DMD: variants seen among roughly 807,000 people sequenced by gnomAD.
DMD encodes dystrophin.
A neutral mutation model predicts 330.1 loss-of-function variants in DMD; 63 were observed. The ratio of observed to expected loss-of-function variants is 0.19; its 90% CI spans 0.16 to 0.24. DMD has a LOEUF of 0.24. Ranked by LOEUF, DMD falls within the 10% of genes least tolerant of loss-of-function variation. The pLI is 1.00. For missense variants in DMD, 3,344 were observed against 2,684.1 expected (o/e 1.25, Z -5.43); for synonymous variants, 1,223 against 959.8 (o/e 1.27, Z -5.07).
intron 11 of DMD, among the ~76,000 whole-genome samples, chrX:32,634,892 G>A (rs1414000915): frequency 9.0e-6 from 1 of 111,652 alleles, no homozygotes; most frequent in African/African-American, 3.3e-5. Flanking sequence ...CTGACTCTGA[G>A]CCCGGCACAG....
At chrX:32,148,112 C>T (rs1218710327) in intron 44 of DMD, among the ~76,000 whole-genome samples, 3 of 110,228 alleles carry the variant, frequency 2.7e-5, no homozygotes, top group African/African-American at 6.6e-5. Flanking sequence ...CTCCTGACCT[C>T]GTGATCAGCC....
chrX:31,859,085 C>T (rs1238451012), intron 48 of DMD, among the ~76,000 whole-genome samples: 1 of 111,731 alleles, frequency 9.0e-6, no homozygotes, highest in Non-Finnish European at 1.9e-5. Flanking sequence ...CTCAGAGCCA[C>T]AAGGTCAGCA....
At chrX:32,345,819 G>T in intron 39 of DMD, 124 bp downstream of exon 39, 2 of 693,925 alleles carry the variant, frequency 2.9e-6, no homozygotes, top group South Asian at 2.7e-5. Context: ...CATACACATT[G>T]AACAGAAAAA....
At chrX:32,697,756 A>G in intron 9 of DMD, 114 bp downstream of exon 9, 2 of 1,042,700 alleles carry the variant, frequency 1.9e-6, no homozygotes, top group Non-Finnish European at 1.3e-6. Flanking sequence ...AAAACAAACC[A>G]GCTCTTCACG....
intron 51 of DMD, among the ~76,000 whole-genome samples, chrX:31,768,655 A>G (rs1480304434): frequency 8.9e-6 from 1 of 111,933 alleles, no homozygotes; most frequent in Non-Finnish European, 1.9e-5. Flanking sequence ...CTTGTCAAAT[A>G]TTGTTGTTTC....
At position 32,485,095 on chromosome X, in the gene DMD, T is replaced by A. The variant is rs1569564731; in HGVS notation, c.2627A>T (p.Glu876Val). The A allele has an allele frequency of 8.3e-7, 1 of 1,206,379 alleles. No individual in the cohort carries two copies. Residue 876 changes from glutamate (E) to valine (V), a missense_variant, in exon 21 of 79, where the codon GAA (glutamate) becomes GTA (valine). Physicochemically the swap from Glu to Val is moderately radical, Grantham distance 121. Coordinates refer to ENST00000357033, the MANE Select transcript of DMD (RefSeq NM_004006.3). The stretch of plus-strand genomic sequence containing the variant: ...TTGAAGATCTGATAGCCGGTTGACT[T>A]CATCCTGTGCCATAGAGTATGGAAA... ...IKSQLKICKD[E>V]VNRLSDLQPQ...
intron 25 of DMD, among the ~76,000 whole-genome samples, chrX:32,457,471 G>A (rs73619093): frequency 0.031 from 3,432 of 110,772 alleles, 144 homozygotes; most frequent in African/African-American, 0.11. Context: ...ATGATGTAGC[G>A]TGGAGAAGAT....
chrX:32,934,696 T>A lies in DMD; in HGVS notation c.94-84876A>T, dbSNP rs138444751. ...CAATAATAAAACAAACATATGTCCA[T>A]CCCAATAACTGAAATATTAGCAACA... On this transcript the variant is annotated intron_variant, in intron 2 of 78. Transcript: ENST00000357033. Among the ~76,000 whole-genome samples the A allele has an allele frequency of 8.9e-3, 984 of 111,138 alleles. 20 individuals are homozygous for A. The highest frequency in any genetic ancestry group is 0.03 in the African/African-American group (926 of 30,512).
rs977019072 is a variant in DMD, at chrX:32,128,066, T to C, written c.6438+88850A>G. 9.8e-5 allele frequency among the ~76,000 whole-genome samples: 11 copies of C among 112,401 alleles called. No individual in the cohort carries two copies. The Admixed American group carries it at 1.0e-3, about 11-fold the overall frequency. On this transcript the variant is annotated intron_variant, in intron 44 of 78. Transcript: ENST00000357033. Reference sequence around the variant, plus strand: ...ACAGAAAATAGGCAATTTGGAAGTATAGTAACTAGTTAGCAATATTCTTTT... The same window carrying C: ...ACAGAAAATAGGCAATTTGGAAGTACAGTAACTAGTTAGCAATATTCTTTT...
chrX:32,036,986 C>T (rs895315838), intron 44 of DMD, among the ~76,000 whole-genome samples: 5 of 111,332 alleles, frequency 4.5e-5, no homozygotes, highest in Admixed American at 3.8e-4. Flanking sequence ...ATGAGAGTAC[C>T]TCCCATGAGC....
chrX:31,338,943 C>CAAAAAA (rs151110457), intron 61 of DMD, among the ~76,000 whole-genome samples: 3 of 64,157 alleles, frequency 4.7e-5, no homozygotes, highest in East Asian at 4.8e-4. Context: ...CATCTATGCA[C>CAAAAAA]AAAAAAAAAA....
rs186032937 is a variant in DMD, at chrX:33,237,226, C to A, written c.7+102033G>T. On this transcript the variant is annotated intron_variant, in intron 1 of 17. Coordinates refer to the DMD transcript ENST00000288447. ...CTTCCTCCCTTCCTTCCCTCCCTCCCTCCCTCTTTCTTTTTCTTTCTCTCT... is the reference window on the plus strand; with the variant it reads ...CTTCCTCCCTTCCTTCCCTCCCTCCATCCCTCTTTCTTTTTCTTTCTCTCT... 0.013 allele frequency among the ~76,000 whole-genome samples: 1,234 copies of A among 95,540 alleles called. 95 individuals carry two copies. In the Admixed American group the frequency reaches 0.14, roughly 11 times the overall value. 83.0% of individuals were successfully genotyped at this position (95,540 alleles called of 115,157 possible).
intron 55 of DMD, among the ~76,000 whole-genome samples, chrX:31,525,651 C>T (rs890086004): frequency 2.7e-5 from 3 of 111,817 alleles, no homozygotes; most frequent in Non-Finnish European, 5.6e-5. Flanking sequence ...AAATAATGTA[C>T]ACTTTCAAAG....
intron 11 of DMD, among the ~76,000 whole-genome samples, chrX:32,616,545 C>A (rs1348504001): frequency 9.0e-6 from 1 of 110,529 alleles, no homozygotes; most frequent in Admixed American, 9.7e-5. Context: ...TTCTTTGACA[C>A]ATCCCATCAG....
At chrX:31,438,384 T>C (rs1178524990) in intron 60 of DMD, among the ~76,000 whole-genome samples, 2 of 112,099 alleles carry the variant, frequency 1.8e-5, no homozygotes, top group East Asian at 5.6e-4. Flanking sequence ...TTGTTAGAGA[T>C]GCAGATTCTC....
chrX:32,039,342 A>G (rs889133127), intron 44 of DMD, among the ~76,000 whole-genome samples: 3 of 111,636 alleles, frequency 2.7e-5, no homozygotes, highest in Non-Finnish European at 3.8e-5. Context: ...CAAAAAATCA[A>G]TTATTTGCTT....
chrX:31,381,013 AAAC>A (rs1030114094), intron 60 of DMD, among the ~76,000 whole-genome samples: 4 of 111,355 alleles, frequency 3.6e-5, no homozygotes, highest in Admixed American at 2.9e-4. Flanking sequence ...CCCTTCTAGA[AAAC>A]AACAAGTTTT....
intron 47 of DMD, among the ~76,000 whole-genome samples, chrX:31,926,526 A>G (rs765339162): frequency 9.1e-5 from 10 of 109,825 alleles, no homozygotes; most frequent in African/African-American, 3.3e-4. Flanking sequence ...AAATACAAAA[A>G]TTAGTTGGGT....
At chrX:32,563,840 C>T (rs1311458313) in intron 16 of DMD, among the ~76,000 whole-genome samples, 1 of 112,005 alleles carries the variant, frequency 8.9e-6, no homozygotes, top group African/African-American at 3.2e-5. Flanking sequence ...TTGGGATTCA[C>T]ACACATATCA....
Sources: allele counts gnomAD v4.1 joint callset (sites outside exome capture counted in the v4.1 genomes callset), GRCh38; gene constraint gnomAD v4.1.1; transcripts MANE v1.5; gene names NCBI Gene and HGNC (gene_info 2026-07-23, HGNC 2026-07-21).